Variants in SYT1 observed in about 807,000 individuals in gnomAD.
SYT1 encodes synaptotagmin-1.
A neutral mutation model predicts 44.8 loss-of-function variants in SYT1; 8 were observed. That is an observed-to-expected ratio of 0.18 (90% CI 0.10 to 0.32). SYT1 has a LOEUF of 0.32. Ranked by LOEUF, SYT1 falls within the 10% of genes least tolerant of loss-of-function variation. The pLI is 1.00. For synonymous variants in SYT1, 154 were observed against 188.8 expected, an observed-to-expected ratio of 0.82 and a Z score of 1.51; for missense variants, 286 against 509.3, an observed-to-expected ratio of 0.56 and a Z score of 4.22.
At chr12:79,079,617 A>C (rs1402315412) in intron 3 of SYT1, among the ~76,000 whole-genome samples, 2 of 152,104 alleles carry the variant, frequency 1.3e-5, no homozygotes, top group Admixed American at 6.5e-5. Flanking sequence ...CAGATATTTG[A>C]ATTCCTTTAT....
chr12:79,232,879 C>T (rs917283302), intron 4 of SYT1, among the ~76,000 whole-genome samples: 5 of 152,072 alleles, frequency 3.3e-5, no homozygotes, highest in African/African-American at 1.2e-4. Flanking sequence ...TAATCAAAGG[C>T]GACATTCACT....
In SYT1 at chr12:79,048,712, G is replaced by A. The variant is rs918190693; in HGVS notation, c.-18+1350G>A. 5.3e-5 allele frequency among the ~76,000 whole-genome samples: 8 copies of A among 151,872 alleles called. 1 individual carries two copies. Among genetic ancestry groups the A allele is most frequent in the Admixed American group, 2.0e-4 (3 of 15,242 alleles). On this transcript the variant is annotated intron_variant, in intron 3 of 10. Coordinates refer to ENST00000261205, the MANE Select transcript of SYT1 (RefSeq NM_005639.3). Reference sequence around the variant, plus strand: ...ATTTTGAGTATTCAGAGCAGGTTACGGGCATGTTTACATAGTTCTGGGTAC... The same window carrying A: ...ATTTTGAGTATTCAGAGCAGGTTACAGGCATGTTTACATAGTTCTGGGTAC...
At position 78,886,206 on chromosome 12, in the gene SYT1, T is replaced by C. The variant is rs374420950; in HGVS notation, c.-217+21097T>C. 1.6e-4 allele frequency among the ~76,000 whole-genome samples: 24 copies of C among 152,100 alleles called. No homozygotes were observed. In the East Asian group the frequency reaches 4.3e-3, roughly 27 times the overall value. On this transcript the variant is annotated intron_variant, in intron 1 of 10. Coordinates refer to ENST00000261205, the MANE Select transcript of SYT1 (RefSeq NM_005639.3). Reference sequence around the variant, plus strand: ...AAAAATATCTTTTTATTTTTTTCTATGATTGAAAGACTAATGCATTCACAA... The same window carrying C: ...AAAAATATCTTTTTATTTTTTTCTACGATTGAAAGACTAATGCATTCACAA...
At chr12:79,365,647 C>T (rs1395359814) in intron 9 of SYT1, among the ~76,000 whole-genome samples, 1 of 151,876 alleles carries the variant, frequency 6.6e-6, no homozygotes, top group African/African-American at 2.4e-5. Flanking sequence ...ATTAATGTTC[C>T]TAAAATTTAC....
chr12:79,179,015 G>T (rs56111104), intron 3 of SYT1, among the ~76,000 whole-genome samples: 4,429 of 16,694 alleles, frequency 0.27, 1,275 homozygotes, highest in African/African-American at 0.51. Context: ...TAGATATATA[G>T]ATATAGATAT....
At chr12:78,904,352 A>G (rs910099216) in intron 1 of SYT1, among the ~76,000 whole-genome samples, 3 of 152,188 alleles carry the variant, frequency 2.0e-5, no homozygotes, top group African/African-American at 7.2e-5. Flanking sequence ...GAAGAGAGAC[A>G]CTATTAACGT....
intron 9 of SYT1, among the ~76,000 whole-genome samples, chr12:79,432,758 C>G (rs557647072): frequency 6.6e-6 from 1 of 152,074 alleles, no homozygotes; most frequent in Non-Finnish European, 1.5e-5. Context: ...GGATTACAGG[C>G]GTGTACAACC....
At chr12:79,253,147 C>T (rs889533897) in intron 4 of SYT1, among the ~76,000 whole-genome samples, 2 of 152,086 alleles carry the variant, frequency 1.3e-5, no homozygotes, top group Non-Finnish European at 2.9e-5. Flanking sequence ...AAGAAAAAAA[C>T]TATAAGCTTG....
intron 3 of SYT1, among the ~76,000 whole-genome samples, chr12:79,167,915 C>T (rs926689131): frequency 2.0e-5 from 3 of 151,930 alleles, no homozygotes; most frequent in African/African-American, 7.2e-5. Context: ...AACCTAGATC[C>T]CTCACATGTG....
chr12:78,929,739 GATA>G lies in SYT1; in HGVS notation c.-216-48054_-216-48052del, dbSNP rs556759063. Among the ~76,000 whole-genome samples the G allele has an allele frequency of 1.4e-4, 21 of 152,212 alleles. 1 individual carries two copies. In the South Asian group the frequency reaches 4.3e-3, roughly 32 times the overall value. ...CTCAGTATTCTTACCTGTAAAATATGATAATAATTACCAACCTAAAAGATTGTT... is the reference window on the plus strand; with the variant it reads ...CTCAGTATTCTTACCTGTAAAATATGATAATTACCAACCTAAAAGATTGTT... On this transcript the variant is annotated intron_variant, in intron 1 of 10. Transcript: ENST00000261205.
At chr12:79,264,392 T>C (rs1391551123) in intron 4 of SYT1, among the ~76,000 whole-genome samples, 1 of 152,138 alleles carries the variant, frequency 6.6e-6, no homozygotes, top group Non-Finnish European at 1.5e-5. Context: ...AGTGGAAACG[T>C]GATAAAGTTG....
intron 3 of SYT1, among the ~76,000 whole-genome samples, chr12:79,208,352 C>T (rs1004015964): frequency 6.6e-6 from 1 of 152,164 alleles, no homozygotes; most frequent in East Asian, 1.9e-4. Flanking sequence ...TCTCCAACTG[C>T]ACACAAAGCA....
intron 1 of SYT1, among the ~76,000 whole-genome samples, chr12:78,889,191 C>T (rs959182113): frequency 6.6e-6 from 1 of 151,778 alleles, no homozygotes; most frequent in African/African-American, 2.4e-5. Context: ...GATTTCTTAT[C>T]CTGGCATCCA....
At chr12:79,006,395 G>A (rs1222816140) in intron 2 of SYT1, among the ~76,000 whole-genome samples, 2 of 152,088 alleles carry the variant, frequency 1.3e-5, no homozygotes, top group East Asian at 1.9e-4. Context: ...ATAATATGTT[G>A]TCATTGGAAT....
intron 1 of SYT1, among the ~76,000 whole-genome samples, chr12:78,947,773 G>C (rs145630734): frequency 6.7e-6 from 1 of 150,220 alleles, no homozygotes; most frequent in South Asian, 2.1e-4. Context: ...AAAAAAGCTC[G>C]AGTCTATTCC....
intron 7 of SYT1, among the ~76,000 whole-genome samples, chr12:79,296,871 G>T (rs867426753): frequency 4.6e-5 from 7 of 152,046 alleles, no homozygotes; most frequent in African/African-American, 1.7e-4. Flanking sequence ...TGTCCTGCAG[G>T]TCTCCAGGAT....
chr12:79,432,507 GA>G (rs1339588566), intron 9 of SYT1, among the ~76,000 whole-genome samples: 4 of 152,014 alleles, frequency 2.6e-5, no homozygotes, highest in Non-Finnish European at 5.9e-5. Context: ...TCTAATGGGA[GA>G]AAACAACTGC....
rs1383502570 is a variant in SYT1 at position 79,178,986 on chromosome 12, ATC to A, written c.-17-38515_-17-38514del. Reference sequence around the variant, plus strand: ...GATATAGATATATAGATATAGATATATCTATATAGATATAGATATAGATATAT... The same window carrying A: ...GATATAGATATATAGATATAGATATATATATAGATATAGATATAGATATAT... On this transcript the variant is annotated intron_variant, in intron 3 of 10. Coordinates refer to ENST00000261205, the MANE Select transcript of SYT1 (RefSeq NM_005639.3). 6.5e-5 allele frequency among the ~76,000 whole-genome samples: 7 copies of A among 107,780 alleles called. 1 individual carries two copies. The highest frequency in any genetic ancestry group is 1.1e-4 in the Admixed American group (1 of 9,132). The allele number at this position is 107,780 out of a possible 152,430, so 70.7% of individuals were successfully genotyped here.
intron 5 of SYT1, among the ~76,000 whole-genome samples, chr12:79,289,887 G>A (rs1879490642): frequency 7.8e-6 from 1 of 128,180 alleles, no homozygotes; most frequent in Non-Finnish European, 1.7e-5. Context: ...ATTAAACTCA[G>A]TAGTTTTTTT....
Sources: gnomAD v4.1 joint callset for allele counts (sites outside exome capture counted in the v4.1 genomes callset) on GRCh38, gnomAD v4.1.1 for gene constraint, MANE v1.5 for transcripts, NCBI Gene and HGNC (gene_info 2026-07-23, HGNC 2026-07-21) for gene names.